The following GHRHR variants were observed in gnomAD, a reference collection of about 807,000 sequenced individuals.
GHRHR encodes growth hormone-releasing hormone receptor.
Under a neutral mutation model 58.3 loss-of-function variants are expected in GHRHR, and 40 were observed. The observed-to-expected ratio is 0.69, with a 90% CI of 0.53 to 0.89. The LOEUF (loss-of-function observed/expected upper bound fraction) is 0.89. GHRHR is among the 40% of genes least tolerant of loss of function. GHRHR has a pLI of 0.00. For synonymous variants in GHRHR, 249 were observed against 216.6 expected (o/e 1.15, Z -1.31); for missense variants, 551 against 541.3 (o/e 1.02, Z -0.18).
intron 12 of GHRHR, among the ~76,000 whole-genome samples, chr7:30,978,869 C>G (rs1198300379): frequency 6.6e-6 from 1 of 152,146 alleles, no homozygotes; most frequent in Non-Finnish European, 1.5e-5. Context: ...ATGTCTTTAA[C>G]TGGGCTCAGA....
intron 4 of GHRHR, 69 bp downstream of exon 4, chr7:30,970,033 AG>A (rs1792450829): frequency 2.5e-6 from 2 of 789,728 alleles, no homozygotes; most frequent in Non-Finnish European, 4.7e-6. Flanking sequence ...GCACAACTGT[AG>A]GGGCCGCCAT....
At chr7:30,969,017 C>G in intron 2 of GHRHR, 46 bp from the exon 3 acceptor site, 1 of 1,543,108 alleles carries the variant, frequency 6.5e-7, no homozygotes, top group Non-Finnish European at 8.9e-7. Context: ...ATTGGGACAG[C>G]CCTGCACCTG....
At chr7:30,973,305 A>C (rs1562594297) in intron 6 of GHRHR, among the ~76,000 whole-genome samples, 1 of 152,180 alleles carries the variant, frequency 6.6e-6, no homozygotes, top group Non-Finnish European at 1.5e-5. Context: ...TCTATGTGTA[A>C]ATGGACTTCA....
intron 8 of GHRHR, 101 bp from the exon 9 acceptor site, chr7:30,974,870 G>A: frequency 1.2e-6 from 1 of 823,874 alleles, no homozygotes; most frequent in Non-Finnish European, 2.2e-6. Flanking sequence ...CTGGAGGGGA[G>A]GTGGGTGAGA....
Position 30,964,037 on chromosome 7 carries a change from G to T in GHRHR, c.-32G>T. On this transcript the variant is annotated 5_prime_UTR_variant, in exon 1 of 13. In the 5' UTR this introduces an upstream ATG that the reference lacks. Coordinates refer to ENST00000326139, the MANE Select transcript of GHRHR (RefSeq NM_000823.4). ...AAGGAAGATAGCCAAGGCTTACTGA[G>T]GCTGGTGGAGGGAGCCACTGCTGGG... 6.5e-7 allele frequency: 1 copy of T among 1,545,824 alleles called. No homozygotes were observed.
intron 9 of GHRHR, 69 bp from the exon 10 acceptor site, chr7:30,975,708 G>A: frequency 1.2e-6 from 1 of 865,020 alleles, no homozygotes; most frequent in East Asian, 2.4e-5. Flanking sequence ...AATGGGCTGG[G>A]GCTCACCCCA....
intron 1 of GHRHR, among the ~76,000 whole-genome samples, chr7:30,964,928 G>C (rs1007802450): frequency 2.0e-5 from 3 of 152,150 alleles, no homozygotes; most frequent in Non-Finnish European, 2.9e-5. Context: ...TTCCTCCGCT[G>C]CCTTATTGGA....
At chr7:30,967,672 T>C (rs1405785064) in intron 1 of GHRHR, among the ~76,000 whole-genome samples, 1 of 151,748 alleles carries the variant, frequency 6.6e-6, no homozygotes, top group Non-Finnish European at 1.5e-5. Context: ...CCACTAGCCT[T>C]CCTTCCTTCT....
Position 30,964,021 on chromosome 7 carries a change from A to G in GHRHR, c.-48A>G. 2 of 1,516,002 alleles carry G rather than the reference A, an allele frequency of 1.3e-6. No homozygotes were observed. Among genetic ancestry groups the G allele is most frequent in the South Asian group, 2.4e-5 (2 of 83,378 alleles). The allele number at this position is 1,516,002 out of a possible 1,614,324, so 93.9% of individuals were successfully genotyped here. A position where few individuals can be genotyped will look rare whatever the true frequency, so the allele number is the denominator to read the frequency against. On this transcript the variant is annotated 5_prime_UTR_variant, in exon 1 of 13. In the 5' UTR this introduces an upstream ATG that the reference lacks. Transcript: ENST00000326139. ...CAGGGGACAGCAGGGGAAGGAAGAT[A>G]GCCAAGGCTTACTGAGGCTGGTGGA...
At chr7:30,964,918 T>A (rs1312367731) in intron 1 of GHRHR, among the ~76,000 whole-genome samples, 3 of 152,142 alleles carry the variant, frequency 2.0e-5, no homozygotes, top group African/African-American at 7.2e-5. Context: ...TGAAGCATTC[T>A]TCCTCCGCTG....
chr7:30,972,270 G>A (rs1387548989), intron 6 of GHRHR, 175 bp downstream of exon 6: 22 of 657,116 alleles, frequency 3.3e-5, no homozygotes, highest in East Asian at 1.7e-4. Flanking sequence ...AAGTCCTCAC[G>A]CCTTTCCTGG....
Position 30,975,002 on chromosome 7 carries a change from T to C in GHRHR, c.844T>C (p.Trp282Arg). The C allele has an allele frequency of 1.2e-6, 2 of 1,613,212 alleles. No individual in the cohort carries two copies. The highest frequency in any genetic ancestry group is 1.7e-6 in the Non-Finnish European group (2 of 1,179,170). Residue 282 changes from tryptophan (W) to arginine (R), a missense_variant, in exon 9 of 13, where the codon TGG (tryptophan) becomes CGG (arginine). Trp to Arg is a moderately radical substitution (Grantham distance 101, BLOSUM62 -3). Transcript: ENST00000326139. ...CWDLDDTSPY[W>R]WIIKGPIVLS... is the part of the protein sequence containing the mutation. ...GGACCTGGACGACACCTCCCCCTAC[T>C]GGTGGATCATCAAAGGGCCCATTGT...
Position 30,977,326 on chromosome 7 carries a change from TG to T in GHRHR, c.1146+5del. On this transcript the variant is annotated splice_donor_5th_base_variant and intron_variant, in intron 12 of 12. Coordinates refer to ENST00000326139, the MANE Select transcript of GHRHR (RefSeq NM_000823.4). Reference sequence around the variant, plus strand: ...CTACTGCTTCCTCAACCAAGAGGTGTGTGATTTTTGAGGCTATCCCTCATGG... The same window carrying T: ...CTACTGCTTCCTCAACCAAGAGGTGTTGATTTTTGAGGCTATCCCTCATGG... 6.2e-7 allele frequency: 1 copy of T among 1,613,576 alleles called. No individual in the cohort carries two copies. Among genetic ancestry groups the T allele is most frequent in the South Asian group, 1.1e-5 (1 of 91,068 alleles).
chr7:30,971,071 T>C, intron 4 of GHRHR, 48 bp from the exon 5 acceptor site: 2 of 837,480 alleles, frequency 2.4e-6, no homozygotes, highest in Non-Finnish European at 4.0e-6. Flanking sequence ...CTCTCTTTCC[T>C]CCAAAGGCCC....
intron 9 of GHRHR, among the ~76,000 whole-genome samples, chr7:30,975,565 C>T (rs1181271045): frequency 6.6e-6 from 1 of 152,116 alleles, no homozygotes; most frequent in African/African-American, 2.4e-5. Flanking sequence ...AGGACTTGGT[C>T]CTTCTCTGTC....
intron 8 of GHRHR, 29 bp from the exon 9 acceptor site, chr7:30,974,942 A>G: frequency 6.5e-7 from 1 of 1,539,194 alleles, no homozygotes; most frequent in Non-Finnish European, 9.0e-7. Flanking sequence ...GGGACTTTCC[A>G]ACAACGGCCT....
intron 1 of GHRHR, among the ~76,000 whole-genome samples, chr7:30,966,459 C>T (rs1047311366): frequency 1.9e-4 from 29 of 152,134 alleles, no homozygotes; most frequent in Non-Finnish European, 3.8e-4. Context: ...TTCCCAAATA[C>T]ACCTTTTCCC....
intron 10 of GHRHR, 111 bp from the exon 11 acceptor site, chr7:30,976,318 G>T: frequency 1.0e-6 from 1 of 979,330 alleles, no homozygotes. Flanking sequence ...TTCCCAAGGT[G>T]GCTGTTCCAC....
At chr7:30,976,784 GCATCCATC>G (rs1053790517) in intron 11 of GHRHR, among the ~76,000 whole-genome samples, 2 of 150,496 alleles carry the variant, frequency 1.3e-5, no homozygotes, top group Non-Finnish European at 1.5e-5. Context: ...ATCCATCCGT[GCATCCATC>G]CATCCATCCA....
Sources: gnomAD v4.1 joint callset for allele counts (sites outside exome capture counted in the v4.1 genomes callset) on GRCh38, gnomAD v4.1.1 for gene constraint, MANE v1.5 for transcripts, NCBI Gene and HGNC (gene_info 2026-07-23, HGNC 2026-07-21) for gene names.